The following CORO2B variants were observed in gnomAD, a reference collection of about 807,000 sequenced individuals.
CORO2B encodes coronin 2B.
In CORO2B, 26 loss-of-function variants were observed where a neutral mutation model predicts 58.8. The ratio of observed to expected loss-of-function variants is 0.44; its 90% CI spans 0.32 to 0.61. CORO2B has a LOEUF of 0.61. Among genes scored for constraint, CORO2B ranks in the 20% least tolerant of loss-of-function variants. CORO2B has a pLI of 0.04. For synonymous variants in CORO2B, 242 were observed against 253.8 expected (o/e 0.95, Z 0.44); for missense variants, 460 against 645.1 (o/e 0.71, Z 3.11).
At chr15:68,660,655 G>A (rs1400671071) in intron 2 of CORO2B, among the ~76,000 whole-genome samples, 1 of 152,132 alleles carries the variant, frequency 6.6e-6, no homozygotes, top group East Asian at 1.9e-4. Flanking sequence ...ACAGGTATGA[G>A]CCACTGCACC....
chr15:68,705,133 T>C (rs1169587005), intron 3 of CORO2B, among the ~76,000 whole-genome samples: 2 of 152,126 alleles, frequency 1.3e-5, no homozygotes, highest in African/African-American at 2.4e-5. Context: ...CTCCCAGTAA[T>C]GTATTCAATG....
intron 1 of CORO2B, among the ~76,000 whole-genome samples, chr15:68,612,237 A>G (rs1032051876): frequency 4.6e-5 from 7 of 152,264 alleles, no homozygotes; most frequent in Non-Finnish European, 1.0e-4. Flanking sequence ...CTAAAAGTAA[A>G]TATGTGAATA....
At chr15:68,719,685 C>G (rs896143344) in intron 11 of CORO2B, 133 bp downstream of exon 11, 22 of 1,035,802 alleles carry the variant, frequency 2.1e-5, no homozygotes, top group Middle Eastern at 4.9e-4. Flanking sequence ...CCATAAGTAG[C>G]CTGATATTGG....
In CORO2B at chr15:68,719,513, A is replaced by C; in HGVS notation, c.1272A>C (p.Ile424=). Residue 424 remains isoleucine, a synonymous_variant, in exon 11 of 12, where the codon ATA becomes ATC. Transcript: ENST00000261861. ...AGAAGAGTGTTGTGGTCAACGGAAT[A>C]GATTTATTAGAAAATGTCCCACCCA... ...KEKKSVVVNG[I]DLLENVPPRT... 1.9e-6 allele frequency: 3 copies of C among 1,614,236 alleles called. No individual in the cohort carries two copies. Among genetic ancestry groups the C allele is most frequent in the Non-Finnish European group, 1.7e-6 (2 of 1,180,038 alleles).
At chr15:68,709,581 C>A (rs915925327) in intron 3 of CORO2B, among the ~76,000 whole-genome samples, 1 of 151,310 alleles carries the variant, frequency 6.6e-6, no homozygotes, top group East Asian at 1.9e-4. Context: ...CTCAGCCTCC[C>A]GAGTAGCTGG....
chr15:68,664,876 T>C (rs779577169), intron 2 of CORO2B, among the ~76,000 whole-genome samples: 59 of 152,214 alleles, frequency 3.9e-4, no homozygotes, highest in Non-Finnish European at 2.8e-4. Context: ...TTGATTAATT[T>C]CTTATTGATG....
In CORO2B at chr15:68,579,228, G is replaced by C; in HGVS notation, c.-35G>C. 3 of 1,102,864 alleles carry C rather than the reference G, an allele frequency of 2.7e-6. No individual in the cohort carries two copies. The highest frequency in any genetic ancestry group is 3.3e-6 in the Non-Finnish European group (3 of 907,820). 68.3% of individuals were successfully genotyped at this position (1,102,864 alleles called of 1,614,324 possible). ...GCCGCCGCCGCCGCCCCCGCACGCC[G>C]CGCCCGCGCCCCCGCTCCGCCGCGG... On this transcript the variant is annotated 5_prime_UTR_variant, in exon 1 of 12. Transcript: ENST00000261861.
At chr15:68,688,974 A>G (rs1892291066) in intron 2 of CORO2B, among the ~76,000 whole-genome samples, 1 of 151,868 alleles carries the variant, frequency 6.6e-6, no homozygotes, top group African/African-American at 2.4e-5. Context: ...AAGACACCCT[A>G]TCTGCCAATA....
At chr15:68,537,657 C>T in the CORO2B span, among the ~76,000 whole-genome samples, 2 of 152,156 alleles carry the variant, frequency 1.3e-5, no homozygotes, top group African/African-American at 2.4e-5. Flanking sequence ...CACCGCCTCC[C>T]CCACAGGCCC....
chr15:68,692,686 T>C (rs1290315821), intron 2 of CORO2B, among the ~76,000 whole-genome samples: 9 of 148,854 alleles, frequency 6.0e-5, no homozygotes, highest in Admixed American at 5.4e-4. Context: ...CAGACTGGAG[T>C]GCAGTGGTGT....
chr15:68,603,486 C>T (rs1900033701), intron 1 of CORO2B, among the ~76,000 whole-genome samples: 1 of 152,130 alleles, frequency 6.6e-6, no homozygotes, highest in South Asian at 2.1e-4. Context: ...GTGTTTAGGG[C>T]AGAGTTAGGG....
At chr15:68,686,361 C>T (rs1172568423) in intron 2 of CORO2B, among the ~76,000 whole-genome samples, 1 of 151,964 alleles carries the variant, frequency 6.6e-6, no homozygotes, top group African/African-American at 2.4e-5. Context: ...TAATGACTTT[C>T]CTCCCTGATT....
rs367669461 is a variant in CORO2B at position 68,664,958 on chromosome 15, A to T, written c.216+19598A>T. Among the ~76,000 whole-genome samples, 26 of 151,806 alleles carry T rather than the reference A, an allele frequency of 1.7e-4. 1 individual carries two copies. The East Asian group carries it at 5.1e-3, about 30-fold the overall frequency. Reference sequence around the variant, plus strand: ...GTTGCAAGTATACGTTTCAAATGGTACTTTTTGCAGTGCAGATTTATTTGT... The same window carrying T: ...GTTGCAAGTATACGTTTCAAATGGTTCTTTTTGCAGTGCAGATTTATTTGT... On this transcript the variant is annotated intron_variant, in intron 2 of 11. Transcript: ENST00000261861.
chr15:68,569,034 G>T, the CORO2B span, among the ~76,000 whole-genome samples: 1 of 152,132 alleles, frequency 6.6e-6, no homozygotes, highest in African/African-American at 2.4e-5. Flanking sequence ...AATACACTAA[G>T]TTCCCATATG....
chr15:68,696,733 T>G (rs995955773), intron 3 of CORO2B, among the ~76,000 whole-genome samples: 1 of 152,048 alleles, frequency 6.6e-6, no homozygotes, highest in African/African-American at 2.4e-5. Context: ...GCAGCATCAG[T>G]ACACCAGCTT....
intron 3 of CORO2B, among the ~76,000 whole-genome samples, chr15:68,706,710 T>A (rs1042777856): frequency 1.3e-5 from 2 of 152,102 alleles, no homozygotes; most frequent in Non-Finnish European, 2.9e-5. Context: ...GCCTGGTATT[T>A]TTTTTTCTTT....
chr15:68,594,413 C>T (rs996981980), intron 1 of CORO2B, among the ~76,000 whole-genome samples: 13 of 152,300 alleles, frequency 8.5e-5, no homozygotes, highest in Admixed American at 3.9e-4. Flanking sequence ...GCTGTGCTCT[C>T]CAGCTCTCAC....
intron 1 of CORO2B, among the ~76,000 whole-genome samples, chr15:68,621,272 G>A (rs1173342293): frequency 6.6e-6 from 1 of 152,316 alleles, no homozygotes; most frequent in South Asian, 2.1e-4. Flanking sequence ...AGCCCCATGG[G>A]ACTCAGTCTG....
At chr15:68,635,704 G>A (rs1901013896) in intron 1 of CORO2B, among the ~76,000 whole-genome samples, 2 of 152,210 alleles carry the variant, frequency 1.3e-5, no homozygotes, top group African/African-American at 2.4e-5. Flanking sequence ...GCCCAGAGGA[G>A]GCAGACATTT....
Sources: gnomAD v4.1 joint callset for allele counts (sites outside exome capture counted in the v4.1 genomes callset) on GRCh38, gnomAD v4.1.1 for gene constraint, MANE v1.5 for transcripts, NCBI Gene and HGNC (gene_info 2026-07-23, HGNC 2026-07-21) for gene names.